The following TRPM1 variants were observed in gnomAD, a reference collection of about 807,000 sequenced individuals.
The protein encoded by TRPM1 is transient receptor potential cation channel subfamily M member 1.
In TRPM1, 113 loss-of-function variants were observed where a neutral mutation model predicts 149.4. That is an observed-to-expected ratio of 0.76 (90% confidence interval 0.65 to 0.88). The LOEUF is 0.88. TRPM1 is among the 40% of genes least tolerant of loss of function. The pLI is 0.00. For synonymous variants in TRPM1, 741 were observed against 759.5 expected (o/e 0.98, Z 0.40); for missense variants, 1,976 against 2,038.7 (o/e 0.97, Z 0.59).
At chr15:31,104,757 C>A (rs561668389), upstream of TRPM1, among the ~76,000 whole-genome samples, 6 of 151,990 alleles carry the variant, frequency 3.9e-5, no homozygotes, top group Admixed American at 3.3e-4. Flanking sequence ...CCACGCCCGG[C>A]CAATTTTTTT....
chr15:31,140,988 AT>A lies in TRPM1; in HGVS notation c.54+19917del, dbSNP rs59328191. Among the ~76,000 whole-genome samples the A allele has an allele frequency of 9.1e-3, 1,286 of 140,752 alleles. 8 individuals are homozygous for A. The highest frequency in any genetic ancestry group is 0.024 in the African/African-American group (925 of 38,560). 92.3% of individuals were successfully genotyped at this position (140,752 alleles called of 152,430 possible). A position where few individuals can be genotyped will look rare whatever the true frequency, so the allele number is the denominator to read the frequency against. ...AGGTGCGTACCACTGCATCCAGCTA[AT>A]TTTTTTTTTTTTTTGTATTTTTAGT... On this transcript the variant is annotated intron_variant, in intron 1 of 26. Coordinates refer to the TRPM1 transcript ENST00000542188.
intron 14 of TRPM1, 131 bp downstream of exon 14, chr15:31,047,757 CT>C: frequency 1.2e-6 from 1 of 814,810 alleles, no homozygotes; most frequent in Non-Finnish European, 2.1e-6. Flanking sequence ...TAAATAGACT[CT>C]TTACGAAAGA....
intron 27 of TRPM1, among the ~76,000 whole-genome samples, chr15:31,009,894 T>G (rs1419065517): frequency 6.6e-6 from 1 of 152,238 alleles, no homozygotes; most frequent in East Asian, 1.9e-4. Flanking sequence ...TCTTAATATC[T>G]TCTATTCTTT....
upstream of TRPM1, among the ~76,000 whole-genome samples, chr15:31,105,727 C>A (rs2035597678): frequency 6.6e-6 from 1 of 152,176 alleles, no homozygotes; most frequent in Non-Finnish European, 1.5e-5. Flanking sequence ...TTCTTTTTCA[C>A]CTTGCATATG....
chr15:31,054,923 A>C (rs1206373128), intron 11 of TRPM1, among the ~76,000 whole-genome samples: 1 of 152,182 alleles, frequency 6.6e-6, no homozygotes, highest in African/African-American at 2.4e-5. Context: ...TTTAAACCAA[A>C]ATCTCCCAAT....
intron 3 of TRPM1, among the ~76,000 whole-genome samples, chr15:31,072,012 TATATATAGAG>T (rs1231986091): frequency 6.2e-3 from 177 of 28,454 alleles, no homozygotes; most frequent in Admixed American, 7.6e-3. Flanking sequence ...TATATATATA[TATATATAGAG>T]AGAGAGAGAG....
In TRPM1 at chr15:31,070,155, T is replaced by A. The variant is rs771458580; in HGVS notation, c.155A>T (p.Glu52Val). ...LPSATPSKNE[E>V]ESKQVETQPE... ...CTGAGTCTCCACCTGTTTGCTTTCC[T>A]CTTCATTTTTGCTGGGTGTTGCACT... is the stretch of plus-strand genomic sequence containing the variant. Residue 52 changes from glutamate (E) to valine (V), a missense_variant, in exon 4 of 28, where the codon GAG becomes GTG. Physicochemically the swap from Glu to Val is moderately radical, Grantham distance 121. This residue lies in a region of TRPM1 where 1,332 missense variants were observed against 1,347.1 expected (regional missense o/e 0.99). Transcript: ENST00000256552. 4.3e-6 allele frequency: 7 copies of A among 1,614,100 alleles called. No individual in the cohort carries two copies. The highest frequency in any genetic ancestry group is 5.1e-6 in the Non-Finnish European group (6 of 1,179,948).
At chr15:31,121,485 A>C (rs1157141253) in intron 1 of TRPM1, among the ~76,000 whole-genome samples, 1 of 152,162 alleles carries the variant, frequency 6.6e-6, no homozygotes, top group East Asian at 1.9e-4. Flanking sequence ...AAATCAAAGA[A>C]AGGCCATCAC....
chr15:31,102,801 G>T (rs1354975446), upstream of TRPM1, among the ~76,000 whole-genome samples: 2 of 152,242 alleles, frequency 1.3e-5, no homozygotes, highest in African/African-American at 2.4e-5. Context: ...CGTGCAAAGG[G>T]TCTGGTGAGT....
chr15:31,141,498 A>G (rs2036161913), intron 1 of TRPM1, among the ~76,000 whole-genome samples: 1 of 152,196 alleles, frequency 6.6e-6, no homozygotes, highest in African/African-American at 2.4e-5. Flanking sequence ...TAAGGAAGAA[A>G]ATAGAAGCAA....
intron 1 of TRPM1, among the ~76,000 whole-genome samples, chr15:31,096,327 TA>T (rs1488021662): frequency 6.6e-6 from 1 of 152,188 alleles, no homozygotes; most frequent in Non-Finnish European, 1.5e-5. Context: ...ATACACTTTT[TA>T]AAATGCTTTA....
intron 7 of TRPM1, 135 bp from the exon 8 acceptor site, chr15:31,063,427 G>A: frequency 3.6e-6 from 4 of 1,104,858 alleles, no homozygotes; most frequent in East Asian, 2.4e-5. Flanking sequence ...AAGGAATTCA[G>A]GCATGTGATA....
chr15:31,062,656 T>C lies in TRPM1; in HGVS notation c.1012A>G (p.Lys338Glu). ...LREQLLVTIQ[K>E]TFNYNKAQSH... ...TGTGCCTTATTATAATTAAATGTTT[T>C]CTGAATGGTAACTAGAAGCTGCTCC... The change falls in exon 9 of 28, where the codon AAA (lysine) becomes GAA (glutamate). Residue 338 changes from lysine to glutamate, a missense_variant. By Grantham distance (56) the Lys-to-Glu change is moderately conservative. Coordinates refer to ENST00000256552, the MANE Select transcript of TRPM1 (RefSeq NM_001252024.2). The C allele has an allele frequency of 6.2e-7, 1 of 1,614,140 alleles. No homozygotes were observed. Among genetic ancestry groups the C allele is most frequent in the Non-Finnish European group, 8.5e-7 (1 of 1,179,984 alleles).
chr15:31,084,206 G>C (rs962950252), intron 1 of TRPM1, among the ~76,000 whole-genome samples: 2 of 152,120 alleles, frequency 1.3e-5, no homozygotes, highest in Non-Finnish European at 2.9e-5. Context: ...TAAAAATCGA[G>C]ATATAATCCA....
rs754878031 is a variant in TRPM1 at position 31,002,359 on chromosome 15, G to C, written c.4341C>G (p.Pro1447=). 6.2e-7 allele frequency: 1 copy of C among 1,614,176 alleles called. No homozygotes were observed. Among genetic ancestry groups the C allele is most frequent in the Non-Finnish European group, 8.5e-7 (1 of 1,180,040 alleles). ...LEETKITRYF[P]DETINACKTM... ...TTTTACAAGCATTGATCGTTTCATC[G>C]GGGAAATAGCGTGTAATTTTGGTTT... The change falls in exon 28 of 28, where the codon CCC becomes CCG. Residue 1447 remains proline (P), a synonymous_variant. Transcript: ENST00000256552.
At chr15:31,149,728 C>A (rs769519331) in intron 1 of TRPM1, among the ~76,000 whole-genome samples, 8 of 152,180 alleles carry the variant, frequency 5.3e-5, no homozygotes, top group Admixed American at 2.0e-4. Context: ...ACCGTGTTAG[C>A]CAGGATGGTC....
At chr15:31,081,551 C>T (rs2034859490) in intron 1 of TRPM1, 113 bp from the exon 2 acceptor site, 1 of 691,466 alleles carries the variant, frequency 1.4e-6, no homozygotes, top group Admixed American at 2.6e-5. Flanking sequence ...CTAATGTGGC[C>T]TCTTCACCAG....
intron 1 of TRPM1, among the ~76,000 whole-genome samples, chr15:31,117,723 G>A (rs2035821102): frequency 6.7e-6 from 1 of 149,372 alleles, no homozygotes. Context: ...GAACAAAGTG[G>A]ACAGCATGCA....
intron 18 of TRPM1, among the ~76,000 whole-genome samples, chr15:31,038,939 C>T (rs2033518454): frequency 6.7e-6 from 1 of 149,218 alleles, no homozygotes; most frequent in Non-Finnish European, 1.5e-5. Flanking sequence ...TCGGCCTAGA[C>T]AACAAAAGGA....
Sources: allele counts gnomAD v4.1 joint callset (sites outside exome capture counted in the v4.1 genomes callset), GRCh38; gene constraint gnomAD v4.1.1; regional missense constraint gnomAD v4.1.1; transcripts MANE v1.5; gene names NCBI Gene and HGNC (gene_info 2026-07-23, HGNC 2026-07-21).